The following KASH5 variants were observed in gnomAD, a reference collection of about 807,000 sequenced individuals.
KASH5 encodes the protein KASH domain containing 5.
Under a neutral mutation model 84.2 loss-of-function variants are expected in KASH5, and 72 were observed. The ratio of observed to expected loss-of-function variants is 0.85; its 90% confidence interval spans 0.71 to 1.04. The LOEUF (loss-of-function observed/expected upper bound fraction) is 1.04. Among genes scored for constraint, KASH5 ranks in the 50% least tolerant of loss-of-function variants. The pLI is 0.00. For synonymous variants in KASH5, 260 were observed against 279.1 expected, an observed-to-expected ratio of 0.93 and a Z score of 0.68; for missense variants, 650 against 701.0, an observed-to-expected ratio of 0.93 and a Z score of 0.82.
chr19:49,392,620 A>G (rs2146842698), intron 2 of KASH5, among the ~76,000 whole-genome samples: 1 of 152,212 alleles, frequency 6.6e-6, no homozygotes, highest in Non-Finnish European at 1.5e-5. Context: ...CATGAGAAAG[A>G]CACTGAGAGG....
intron 2 of KASH5, 61 bp from the exon 3 acceptor site, chr19:49,394,415 G>A (rs1974105621): frequency 5.9e-6 from 8 of 1,353,836 alleles, no homozygotes; most frequent in African/African-American, 2.9e-5. Context: ...GAGGACCTGG[G>A]GTCACCCCTC....
chr19:49,399,447 G>T lies in KASH5; in HGVS notation c.748-10G>T. The T allele has an allele frequency of 6.2e-7, 1 of 1,609,932 alleles. No homozygotes were observed. The highest frequency in any genetic ancestry group is 8.5e-7 in the Non-Finnish European group (1 of 1,178,138). ...AATGAAACCTTTGTCCTCTCTCTGG[G>T]GTTGGTCAGGAAAAGGAGCAGCAGC... On this transcript the variant is annotated splice_polypyrimidine_tract_variant and intron_variant, in intron 8 of 19. Transcript: ENST00000447857. This position sits in a 1 kb window ranked among gnomAD's most constrained non-coding sequence, Gnocchi z 4.4.
chr19:49,411,509 A>G (rs1183586938), intron 15 of KASH5, among the ~76,000 whole-genome samples: 2 of 152,148 alleles, frequency 1.3e-5, no homozygotes, highest in African/African-American at 4.8e-5. Flanking sequence ...TCAGGGAGAA[A>G]TCACATGCCA....
chr19:49,403,723 G>A (rs1011335395), intron 9 of KASH5, among the ~76,000 whole-genome samples: 5 of 152,312 alleles, frequency 3.3e-5, no homozygotes, highest in Non-Finnish European at 5.9e-5. Flanking sequence ...GGAGTAAGCA[G>A]GGTAAATAGC....
At chr19:49,407,006 G>A (rs1197552029) in intron 10 of KASH5, 43 bp downstream of exon 10, 2 of 1,541,802 alleles carry the variant, frequency 1.3e-6, no homozygotes, top group East Asian at 4.8e-5. Flanking sequence ...CACCACCCCG[G>A]GGCCATTTTT....
rs1295723930 is a variant in KASH5 at position 49,413,032 on chromosome 19, G to A, written c.1328+6G>A. On this transcript the variant is annotated splice_donor_region_variant and intron_variant, in intron 16 of 19. Coordinates refer to ENST00000447857, the MANE Select transcript of KASH5 (RefSeq NM_144688.5). ...AGGAAGGAGCCATCCATGTGGTAAG[G>A]AGCTGAGCCATCCGTCTGCCTCAGG... is the stretch of plus-strand genomic sequence containing the variant. The A allele has an allele frequency of 8.1e-6, 13 of 1,611,770 alleles. No individual in the cohort carries two copies. The East Asian group carries it at 8.9e-5, about 11-fold the overall frequency.
chr19:49,409,396 C>A, intron 14 of KASH5, 113 bp downstream of exon 14: 1 of 1,118,938 alleles, frequency 8.9e-7, no homozygotes. Context: ...CTGCCAGAGG[C>A]TCCTATCGCA....
At chr19:49,401,552 C>G (rs1600918914) in intron 9 of KASH5, among the ~76,000 whole-genome samples, 1 of 152,126 alleles carries the variant, frequency 6.6e-6, no homozygotes, top group South Asian at 2.1e-4. Flanking sequence ...TCTGAGAGTG[C>G]TCTGGGAAGT....
At chr19:49,401,968 G>A (rs563975455) in intron 9 of KASH5, among the ~76,000 whole-genome samples, 13 of 152,070 alleles carry the variant, frequency 8.5e-5, no homozygotes, top group African/African-American at 2.2e-4. Context: ...GTTGCCAGGC[G>A]CAGTGGCTCA....
In KASH5 at chr19:49,414,166, G is replaced by T. The variant is rs1279164212; in HGVS notation, c.1329-785G>T. On this transcript the variant is annotated intron_variant, in intron 16 of 19. Coordinates refer to ENST00000447857, the MANE Select transcript of KASH5 (RefSeq NM_144688.5). The surrounding 1 kb of genome is among the most constrained non-coding windows in gnomAD (Gnocchi z 4.5). ...CCCGCCGAGGCAGGGTCAGGAGCCA[G>T]ATCTCCTCCTAGACCGAGACTCGCT... 6.6e-6 allele frequency among the ~76,000 whole-genome samples: 1 copy of T among 152,174 alleles called. No homozygotes were observed. The highest frequency in any genetic ancestry group is 1.9e-4 in the East Asian group (1 of 5,194).
intron 5 of KASH5, among the ~76,000 whole-genome samples, chr19:49,396,243 C>CTTT (rs869199643): frequency 8.4e-5 from 3 of 35,880 alleles, no homozygotes; most frequent in Admixed American, 2.7e-4. Flanking sequence ...CCCTGCTGGA[C>CTTT]TTTTTTTTTT....
In KASH5 at chr19:49,407,305, C is replaced by T. The variant is rs370261651; in HGVS notation, c.933+9C>T. On this transcript the variant is annotated intron_variant, in intron 11 of 19. Transcript: ENST00000447857. ...ACACCATCCTCTCTGAGGTAAGGGG[C>T]CCCGGGAGGGAAAGAGATTCGCTTT... The T allele has an allele frequency of 6.2e-7, 1 of 1,613,328 alleles. No individual in the cohort carries two copies. The highest frequency in any genetic ancestry group is 1.7e-5 in the Admixed American group (1 of 59,952).
At chr19:49,413,256 G>C (rs1034242030) in intron 16 of KASH5, among the ~76,000 whole-genome samples, 1 of 152,158 alleles carries the variant, frequency 6.6e-6, no homozygotes, top group Non-Finnish European at 1.5e-5. Context: ...GGCTCCCAGC[G>C]AGGCTGCCAT....
chr19:49,410,533 G>C (rs1480835132), intron 15 of KASH5, among the ~76,000 whole-genome samples: 1 of 150,796 alleles, frequency 6.6e-6, no homozygotes, highest in African/African-American at 2.5e-5. Flanking sequence ...ACCCAGGCTG[G>C]AGTGCAGTGG....
intron 2 of KASH5, 22 bp from the exon 3 acceptor site, chr19:49,394,454 C>G: frequency 4.4e-6 from 7 of 1,588,276 alleles, no homozygotes; most frequent in Non-Finnish European, 6.1e-6. Flanking sequence ...CACTGGTGAG[C>G]TGAGCCCTCT....
chr19:49,396,634 T>G (rs977140808), intron 5 of KASH5, among the ~76,000 whole-genome samples: 12 of 152,272 alleles, frequency 7.9e-5, no homozygotes, highest in Admixed American at 6.5e-4. Context: ...ACTCCTAGAC[T>G]TGTAGGCCTT....
chr19:49,398,988 C>T (rs1307049924), intron 7 of KASH5, 37 bp from the exon 8 acceptor site: 1 of 1,464,282 alleles, frequency 6.8e-7, no homozygotes, highest in South Asian at 1.2e-5. Flanking sequence ...TGCCTTCCTC[C>T]CTCTCGTATG....
In KASH5 at chr19:49,399,362, C is replaced by T. The variant is rs530103718; in HGVS notation, c.748-95C>T. 7.9e-7 allele frequency: 1 copy of T among 1,264,310 alleles called. No individual in the cohort carries two copies. Among genetic ancestry groups the T allele is most frequent in the South Asian group, 1.3e-5 (1 of 75,654 alleles). The allele number at this position is 1,264,310 out of a possible 1,614,324, so 78.3% of individuals were successfully genotyped here. ...TCAGGGCTTCCCAGACCCATTCCCCCAGGCCCTGGTTGTGTTTTCAGGGGT... is the reference window on the plus strand; with the variant it reads ...TCAGGGCTTCCCAGACCCATTCCCCTAGGCCCTGGTTGTGTTTTCAGGGGT... On this transcript the variant is annotated intron_variant, in intron 8 of 19. Coordinates refer to ENST00000447857, the MANE Select transcript of KASH5 (RefSeq NM_144688.5). This position sits in a 1 kb window ranked among gnomAD's most constrained non-coding sequence, Gnocchi z 4.4.
chr19:49,389,141 T>G (rs1345445632), intron 1 of KASH5, among the ~76,000 whole-genome samples: 1 of 84,082 alleles, frequency 1.2e-5, no homozygotes, highest in Non-Finnish European at 2.1e-5. Flanking sequence ...CCCGCATAAA[T>G]CAAGACCCCC....
Sources: gnomAD v4.1 joint callset for allele counts (sites outside exome capture counted in the v4.1 genomes callset) on GRCh38, gnomAD v4.1.1 for gene constraint, Gnocchi (gnomAD v3.1) non-coding constraint, MANE v1.5 for transcripts, NCBI Gene and HGNC (gene_info 2026-07-23, HGNC 2026-07-21) for gene names.